The following CACNA2D1 variants were observed in gnomAD, a reference collection of about 807,000 sequenced individuals.
The protein encoded by CACNA2D1 is calcium voltage-gated channel auxiliary subunit alpha2delta 1, also known as voltage-dependent calcium channel subunit alpha-2/delta-1.
A neutral mutation model predicts 171.5 loss-of-function variants in CACNA2D1; 53 were observed. The observed-to-expected ratio is 0.31, with a 90% CI of 0.25 to 0.39. CACNA2D1 has a LOEUF of 0.39. Among genes scored for constraint, CACNA2D1 ranks in the 10% least tolerant of loss-of-function variants. CACNA2D1 has a pLI of 1.00. For missense variants in CACNA2D1, 903 were observed against 1,299.8 expected (o/e 0.69, Z 4.69); for synonymous variants, 442 against 443.1 (o/e 1.00, Z 0.03).
At chr7:82,083,664 C>T (rs1293956082) in intron 7 of CACNA2D1, among the ~76,000 whole-genome samples, 1 of 151,932 alleles carries the variant, frequency 6.6e-6, no homozygotes, top group East Asian at 1.9e-4. Context: ...CTTGGCTTTT[C>T]CTAGTGTGTT....
intron 10 of CACNA2D1, among the ~76,000 whole-genome samples, chr7:82,043,140 A>C: frequency 6.6e-6 from 1 of 152,212 alleles, no homozygotes; most frequent in East Asian, 1.9e-4. Flanking sequence ...ATTAGAAGTC[A>C]GTGTAAAATG....
chr7:82,051,720 A>G (rs1336218089), intron 10 of CACNA2D1, among the ~76,000 whole-genome samples: 1 of 152,172 alleles, frequency 6.6e-6, no homozygotes, highest in Non-Finnish European at 1.5e-5. Context: ...TTACTCCTAA[A>G]ATGTCAAACT....
At chr7:82,035,301 T>C (rs1803173001) in intron 11 of CACNA2D1, among the ~76,000 whole-genome samples, 1 of 151,988 alleles carries the variant, frequency 6.6e-6, no homozygotes, top group African/African-American at 2.4e-5. Flanking sequence ...TCTAATGCTA[T>C]TTAATACTTG....
intron 3 of CACNA2D1, among the ~76,000 whole-genome samples, chr7:82,330,500 A>G (rs2129443643): frequency 6.6e-6 from 1 of 152,272 alleles, no homozygotes; most frequent in Non-Finnish European, 1.5e-5. Flanking sequence ...ACAACCAGCT[A>G]CATTTATTTT....
intron 24 of CACNA2D1, among the ~76,000 whole-genome samples, chr7:81,978,097 G>A (rs1796042655): frequency 6.6e-6 from 1 of 152,206 alleles, no homozygotes; most frequent in Admixed American, 6.5e-5. Flanking sequence ...ATAGATGCTG[G>A]AGAGGATGTG....
intron 3 of CACNA2D1, among the ~76,000 whole-genome samples, chr7:82,205,745 A>G (rs1799946701): frequency 1.3e-5 from 2 of 152,184 alleles, no homozygotes; most frequent in Admixed American, 6.5e-5. Context: ...ACACAAATAT[A>G]AATTCAACTC....
At chr7:82,088,350 A>T (rs1490168127) in intron 6 of CACNA2D1, among the ~76,000 whole-genome samples, 5 of 152,144 alleles carry the variant, frequency 3.3e-5, no homozygotes, top group Admixed American at 3.3e-4. Context: ...AATTCCTTGG[A>T]AAATTATTTT....
At chr7:82,124,388 C>T (rs748392870) in intron 5 of CACNA2D1, among the ~76,000 whole-genome samples, 13 of 152,156 alleles carry the variant, frequency 8.5e-5, no homozygotes, top group Non-Finnish European at 1.9e-4. Flanking sequence ...CACAACCAAT[C>T]AGACTGGTCA....
chr7:82,166,659 T>C (rs1402856419), intron 4 of CACNA2D1, among the ~76,000 whole-genome samples: 2 of 152,022 alleles, frequency 1.3e-5, no homozygotes, highest in Admixed American at 1.3e-4. Flanking sequence ...CACCTGCCCT[T>C]AATAGAATAA....
At chr7:82,092,464 C>T (rs960261899) in intron 6 of CACNA2D1, among the ~76,000 whole-genome samples, 1 of 151,858 alleles carries the variant, frequency 6.6e-6, no homozygotes, top group African/African-American at 2.4e-5. Flanking sequence ...GCTCCGCCTC[C>T]CGGGTTCATG....
chr7:82,065,310 C>G (rs910168034), intron 8 of CACNA2D1, among the ~76,000 whole-genome samples: 3 of 152,068 alleles, frequency 2.0e-5, no homozygotes, highest in Non-Finnish European at 4.4e-5. Context: ...TTTTCATGGA[C>G]AGCAAACCTG....
intron 2 of CACNA2D1, among the ~76,000 whole-genome samples, chr7:82,341,663 T>C (rs1461688938): frequency 1.3e-5 from 2 of 152,164 alleles, no homozygotes; most frequent in African/African-American, 4.8e-5. Flanking sequence ...AAATACCAAC[T>C]GCTAAAATGT....
Position 82,005,773 on chromosome 7 carries a change from G to T in CACNA2D1, c.1507C>A (p.Arg503Ser). The T allele has an allele frequency of 6.3e-7, 1 of 1,587,878 alleles. No homozygotes were observed. Among genetic ancestry groups the T allele is most frequent in the Non-Finnish European group, 8.6e-7 (1 of 1,156,344 alleles). Residue 503 changes from arginine to serine, a missense_variant, in exon 17 of 39, where the codon CGT (arginine) becomes AGT (serine). By Grantham distance (110) the Arg-to-Ser change is moderately radical. Coordinates refer to ENST00000356860, the MANE Select transcript of CACNA2D1 (RefSeq NM_000722.4). ...SLEDIKRLTP[R>S]FTLCPNGYYF... ...AGCAAATTTCATCTTACTGTAAAAC[G>T]TGGTGTCAGTCTTTTAATATCTTCC...
chr7:82,424,585 T>A (rs1366422804), intron 1 of CACNA2D1, among the ~76,000 whole-genome samples: 1 of 152,212 alleles, frequency 6.6e-6, no homozygotes, highest in Admixed American at 6.5e-5. Context: ...TTTGGAAGGA[T>A]CATAATCCTT....
chr7:82,335,117 G>A lies in CACNA2D1; in HGVS notation c.294+18C>T, dbSNP rs1817825819. 2.2e-6 allele frequency: 3 copies of A among 1,391,222 alleles called. No individual in the cohort carries two copies. The highest frequency in any genetic ancestry group is 1.4e-5 in the African/African-American group (1 of 70,516). 86.2% of individuals were successfully genotyped at this position (1,391,222 alleles called of 1,614,324 possible). ...AGTAAGGAAAATAATAAAATGAGCA[G>A]ATCCAATTTAAACTCACCACCAGGG... On this transcript the variant is annotated intron_variant, in intron 3 of 38. Transcript: ENST00000356860.
In CACNA2D1 at chr7:82,349,633, C is replaced by A; in HGVS notation, c.112G>T (p.Asp38Tyr). 2 of 1,613,678 alleles carry A rather than the reference C, an allele frequency of 1.2e-6. No homozygotes were observed. Among genetic ancestry groups the A allele is most frequent in the Non-Finnish European group, 8.5e-7 (1 of 1,179,644 alleles). The change falls in exon 2 of 39, where the codon GAT becomes TAT. Residue 38 changes from aspartate (D) to tyrosine (Y), a missense_variant. Asp to Tyr is a radical substitution (Grantham distance 160, BLOSUM62 -3). Around this residue, in one of 5 missense-constraint regions of CACNA2D1, gnomAD observed 189 missense variants for 266.8 expected, o/e 0.71. Coordinates refer to ENST00000356860, the MANE Select transcript of CACNA2D1 (RefSeq NM_000722.4). ...PSAVTIKSWVDKMQEDLVTLA... is the reference protein window; with the variant it reads ...PSAVTIKSWVYKMQEDLVTLA... ...GTGACAAGGTCTTCTTGCATCTTAT[C>A]CACCCATGATTTGATACTGCAGAAA...
chr7:82,298,240 A>G (rs1243938521), intron 3 of CACNA2D1, among the ~76,000 whole-genome samples: 3 of 152,188 alleles, frequency 2.0e-5, no homozygotes, highest in Non-Finnish European at 4.4e-5. Flanking sequence ...AGACATTCCC[A>G]TCTACCACCC....
At chr7:82,151,326 T>G (rs1793835446) in intron 4 of CACNA2D1, among the ~76,000 whole-genome samples, 1 of 152,146 alleles carries the variant, frequency 6.6e-6, no homozygotes, top group Admixed American at 6.5e-5. Flanking sequence ...TAAATGAAGA[T>G]CTGTATACTT....
intron 24 of CACNA2D1, among the ~76,000 whole-genome samples, chr7:81,975,714 G>C: frequency 6.6e-6 from 1 of 152,038 alleles, no homozygotes; most frequent in East Asian, 1.9e-4. Context: ...AAAATGAGTT[G>C]TGTACAACTT....
Sources: gnomAD v4.1 joint callset for allele counts (sites outside exome capture counted in the v4.1 genomes callset) on GRCh38, gnomAD v4.1.1 for gene constraint, gnomAD v4.1.1 regional missense constraint, MANE v1.5 for transcripts, NCBI Gene and HGNC (gene_info 2026-07-23, HGNC 2026-07-21) for gene names.